Variants in EYS observed in about 807,000 individuals in gnomAD.
EYS encodes EGF-like photoreceptor maintenance factor.
In EYS, 250 loss-of-function variants were observed where a neutral mutation model predicts 282.1. The observed-to-expected ratio is 0.89, with a 90% CI of 0.80 to 0.98. The LOEUF is 0.98. Among genes scored for constraint, EYS ranks in the 50% least tolerant of loss-of-function variants. The pLI, the probability that EYS is intolerant of heterozygous loss-of-function variation, is 0.00. For missense variants in EYS, 4,016 were observed against 3,709.0 expected (o/e 1.08, Z -2.15); for synonymous variants, 1,355 against 1,282.9 (o/e 1.06, Z -1.20).
At chr6:63,772,814 T>A (rs1044748447) in intron 40 of EYS, among the ~76,000 whole-genome samples, 2 of 152,264 alleles carry the variant, frequency 1.3e-5, no homozygotes, top group Middle Eastern at 3.5e-3. Context: ...TTTTACTACT[T>A]CTTGTTTTCT....
At chr6:64,650,450 G>A (rs765660548) in intron 22 of EYS, among the ~76,000 whole-genome samples, 1 of 151,834 alleles carries the variant, frequency 6.6e-6, no homozygotes, top group Admixed American at 6.6e-5. Context: ...ACCCCAAAAA[G>A]AAATAAATAA....
At chr6:63,999,320 C>A (rs1767974088) in intron 33 of EYS, 137 bp from the exon 34 acceptor site, 2 of 681,132 alleles carry the variant, frequency 2.9e-6, no homozygotes, top group Non-Finnish European at 5.4e-6. Flanking sequence ...ATGGACCCAG[C>A]CAAGTGTGGA....
intron 5 of EYS, among the ~76,000 whole-genome samples, chr6:65,438,605 C>T (rs1768179458): frequency 1.3e-5 from 2 of 152,032 alleles, no homozygotes; most frequent in Non-Finnish European, 2.9e-5. Flanking sequence ...CTCTGATGGC[C>T]AGTGATGATG....
chr6:63,943,245 A>T (rs907408612), intron 35 of EYS, among the ~76,000 whole-genome samples: 1 of 152,222 alleles, frequency 6.6e-6, no homozygotes, highest in Non-Finnish European at 1.5e-5. Context: ...AGACTCTCCA[A>T]ATAAAAATTA....
intron 29 of EYS, among the ~76,000 whole-genome samples, chr6:64,312,152 C>T (rs1258312307): frequency 6.6e-6 from 1 of 152,072 alleles, no homozygotes; most frequent in African/African-American, 2.4e-5. Flanking sequence ...GCTGCCAGCA[C>T]AGCCATCTGA....
intron 28 of EYS, among the ~76,000 whole-genome samples, chr6:64,422,477 G>T (rs185833514): frequency 6.6e-6 from 1 of 152,276 alleles, no homozygotes; most frequent in Non-Finnish European, 1.5e-5. Context: ...GAGGACCTTC[G>T]TACTTTAAAA....
chr6:63,997,579 C>G (rs949052141), intron 34 of EYS, among the ~76,000 whole-genome samples: 1 of 152,150 alleles, frequency 6.6e-6, no homozygotes, highest in Non-Finnish European at 1.5e-5. Context: ...TCTTTACCAC[C>G]CTAAAATTAT....
At chr6:65,514,726 T>C (rs1185186989) in intron 2 of EYS, among the ~76,000 whole-genome samples, 1 of 152,224 alleles carries the variant, frequency 6.6e-6, no homozygotes, top group Non-Finnish European at 1.5e-5. Context: ...CTGGGAAAAC[T>C]GGCTAGCCAT....
intron 26 of EYS, 97 bp downstream of exon 26, chr6:64,590,126 C>T (rs1766356665): frequency 1.9e-6 from 2 of 1,044,834 alleles, no homozygotes; most frequent in Non-Finnish European, 2.7e-6. Context: ...TACAATGAGG[C>T]TGTTCAGAGC....
chr6:65,350,474 TA>T (rs373910688), intron 9 of EYS, among the ~76,000 whole-genome samples: 2,007 of 151,054 alleles, frequency 0.013, 47 homozygotes, highest in African/African-American at 0.045. Context: ...ACTATTTATT[TA>T]AAAAAAAAGT....
intron 12 of EYS, among the ~76,000 whole-genome samples, chr6:65,289,855 A>C (rs1768474840): frequency 6.6e-6 from 1 of 151,172 alleles, no homozygotes; most frequent in East Asian, 1.9e-4. Flanking sequence ...TTTTCAAAAA[A>C]ATTAAGAGCA....
At chr6:65,124,966 A>G (rs1474615788) in intron 12 of EYS, among the ~76,000 whole-genome samples, 1 of 152,158 alleles carries the variant, frequency 6.6e-6, no homozygotes, top group Non-Finnish European at 1.5e-5. Flanking sequence ...GTGCACCACT[A>G]AGATAAGATG....
rs180940122 is a variant in EYS, at chr6:64,556,522, A to G, written c.5644+33701T>C. ...CACAAAGGCATGAGGGAACTTTTTC[A>G]GAAAATGGACATATTCTATATTTTG... On this transcript the variant is annotated intron_variant, in intron 26 of 42. Transcript: ENST00000503581. 2.2e-3 allele frequency among the ~76,000 whole-genome samples: 342 copies of G among 152,168 alleles called. 4 individuals carry two copies. The highest frequency in any genetic ancestry group is 7.6e-3 in the African/African-American group (315 of 41,570).
At chr6:64,404,958 C>CT (rs1211979072) in intron 28 of EYS, among the ~76,000 whole-genome samples, 2 of 152,032 alleles carry the variant, frequency 1.3e-5, no homozygotes, top group African/African-American at 2.4e-5. Flanking sequence ...GGCCACTTAA[C>CT]TTTTTTTAAC....
intron 35 of EYS, among the ~76,000 whole-genome samples, chr6:63,975,895 G>A (rs1766812409): frequency 6.6e-6 from 1 of 151,938 alleles, no homozygotes; most frequent in Admixed American, 6.6e-5. Flanking sequence ...CATTGTGCAA[G>A]CATCATAGAA....
intron 29 of EYS, among the ~76,000 whole-genome samples, chr6:64,387,388 T>G (rs946012515): frequency 1.3e-5 from 2 of 152,164 alleles, no homozygotes; most frequent in Non-Finnish European, 2.9e-5. Flanking sequence ...GGGTAGCTAA[T>G]TGAGTTGAGA....
At chr6:64,281,288 G>A (rs6936518) in intron 30 of EYS, among the ~76,000 whole-genome samples, 104,182 of 151,800 alleles carry the variant, frequency 0.69, 35,773 homozygotes, top group Non-Finnish European at 0.71. Context: ...AATCTCAAAA[G>A]TGAGTGACCA....
rs1767604121 is a variant in EYS, at chr6:63,991,573, T to C, written c.6835-6970A>G. ...GTAATGCCTGAATTTAAAAATTCAT[T>C]ACAGAATTTCAACGGCAGGCTTGGT... On this transcript the variant is annotated intron_variant, in intron 34 of 42. Coordinates refer to ENST00000503581, the MANE Select transcript of EYS (RefSeq NM_001142800.2). Among the ~76,000 whole-genome samples, 4 of 151,608 alleles carry C rather than the reference T, an allele frequency of 2.6e-5. No homozygotes were observed. The Middle Eastern group carries it at 0.01, about 387-fold the overall frequency.
intron 30 of EYS, among the ~76,000 whole-genome samples, chr6:64,295,984 A>G (rs1241481614): frequency 6.6e-6 from 1 of 152,336 alleles, no homozygotes; most frequent in African/African-American, 2.4e-5. Flanking sequence ...CAAGAGACCA[A>G]TATTTTGGCA....
Sources: gnomAD v4.1 joint callset for allele counts (sites outside exome capture counted in the v4.1 genomes callset) on GRCh38, gnomAD v4.1.1 for gene constraint, MANE v1.5 for transcripts, NCBI Gene and HGNC (gene_info 2026-07-23, HGNC 2026-07-21) for gene names.